C2orf15: variants seen among roughly 807,000 people sequenced by gnomAD.
C2orf15 encodes the protein chromosome 2 open reading frame 15, also known as uncharacterized protein C2orf15.
In C2orf15, 3 loss-of-function variants were observed where a neutral mutation model predicts 4.4. The observed-to-expected ratio is 0.67, with a 90% CI of 0.31 to 1.74. The LOEUF (loss-of-function observed/expected upper bound fraction) is 1.74, where lower values mean the gene tolerates loss of function less well. C2orf15 is among the 40% of genes most tolerant of loss of function. The pLI, the probability that C2orf15 is intolerant of heterozygous loss-of-function variation, is 0.09. For synonymous variants in C2orf15, 37 were observed against 36.8 expected (o/e 1.00, Z -0.02); for missense variants, 90 against 103.3 (o/e 0.87, Z 0.56).
chr2:99,150,539 A>G lies in C2orf15; in HGVS notation c.-20A>G. 1 of 1,605,378 alleles carries G rather than the reference A, an allele frequency of 6.2e-7. No homozygotes were observed. The highest frequency in any genetic ancestry group is 8.5e-7 in the Non-Finnish European group (1 of 1,177,356). ...AAAAAGGTACCTGCAAATTACTTTC[A>G]CATTTGTTCAGCTATCCTAATGGGA... On this transcript the variant is annotated 5_prime_UTR_variant, in exon 4 of 4. Coordinates refer to ENST00000650052, the MANE Select transcript of C2orf15 (RefSeq NM_144706.4).
chr2:99,147,152 T>G, intron 2 of C2orf15: 5 of 279,216 alleles, frequency 1.8e-5, no homozygotes, highest in African/African-American at 2.2e-5. Context: ...CTTTGTGGCA[T>G]ATCTTTTTGT....
rs1046120426 is a variant in C2orf15 at position 99,151,652 on chromosome 2, T to A, written c.*818T>A. On this transcript the variant is annotated 3_prime_UTR_variant, in exon 4 of 4. Transcript: ENST00000650052. ...AATAAACTGCAAAAGACCAATAAATTGCATATCTTCAGAAGGATTTCACAT... is the reference window on the plus strand; with the variant it reads ...AATAAACTGCAAAAGACCAATAAATAGCATATCTTCAGAAGGATTTCACAT... Among the ~76,000 whole-genome samples, 6 of 152,308 alleles carry A rather than the reference T, an allele frequency of 3.9e-5. No homozygotes were observed. The highest frequency in any genetic ancestry group is 1.4e-4 in the African/African-American group (6 of 41,574).
At chr2:99,148,113 G>A (rs934196957) in intron 3 of C2orf15, among the ~76,000 whole-genome samples, 3 of 152,070 alleles carry the variant, frequency 2.0e-5, no homozygotes, top group Non-Finnish European at 4.4e-5. Flanking sequence ...CAGCCTCTCT[G>A]TGTCTTTCAT....
At chr2:99,149,442 C>CT (rs35395900) in intron 3 of C2orf15, among the ~76,000 whole-genome samples, 75,750 of 132,808 alleles carry the variant, frequency 0.57, 22,461 homozygotes, top group East Asian at 0.87. Context: ...ACATGATCAT[C>CT]TTTTTTTTTT....
Position 99,150,628 on chromosome 2 carries a change from C to A in C2orf15, c.70C>A (p.His24Asn). The A allele has an allele frequency of 1.2e-6, 2 of 1,613,952 alleles. No homozygotes were observed. The highest frequency in any genetic ancestry group is 2.2e-5 in the South Asian group (2 of 91,058). ...AIHMDSKVDD[H>N]LIRGTEKSRL... ...ACATATGGATTCAAAAGTGGATGAT[C>A]ACTTAATACGAGGGACTGAAAAAAG... The change falls in exon 4 of 4, where the codon CAC (histidine) becomes AAC (asparagine). Residue 24 changes from histidine to asparagine, a missense_variant. His to Asn is a moderately conservative substitution (Grantham distance 68, BLOSUM62 1). Coordinates refer to ENST00000650052, the MANE Select transcript of C2orf15 (RefSeq NM_144706.4).
At chr2:99,143,611 C>CGG (rs2093601241) in intron 2 of C2orf15, among the ~76,000 whole-genome samples, 1 of 152,026 alleles carries the variant, frequency 6.6e-6, no homozygotes, top group Non-Finnish European at 1.5e-5. Flanking sequence ...GCTGGGACCA[C>CGG]AGGTATGTGC....
chr2:99,142,600 CA>C (rs552711704), intron 2 of C2orf15, among the ~76,000 whole-genome samples, 199 bp downstream of exon 2: 7 of 151,310 alleles, frequency 4.6e-5, no homozygotes, highest in Non-Finnish European at 8.8e-5. Context: ...AATTAGATAC[CA>C]AAAAAAATTA....
intron 2 of C2orf15, among the ~76,000 whole-genome samples, chr2:99,145,884 T>C (rs1354169505): frequency 1.3e-5 from 2 of 152,174 alleles, no homozygotes; most frequent in African/African-American, 2.4e-5. Context: ...ACGCCAGTAA[T>C]CCCAGCACTT....
Position 99,150,508 on chromosome 2 carries a change from C to T in C2orf15, c.-51C>T. On this transcript the variant is annotated 5_prime_UTR_variant, in exon 4 of 4. Transcript: ENST00000650052. ...TAATCAAGTTGAAGAAACACTTCCACTACTTAAAAAGGTACCTGCAAATTA... is the reference window on the plus strand; with the variant it reads ...TAATCAAGTTGAAGAAACACTTCCATTACTTAAAAAGGTACCTGCAAATTA... 6.4e-7 allele frequency: 1 copy of T among 1,557,328 alleles called. No individual in the cohort carries two copies.
chr2:99,151,631 A>T lies in C2orf15; in HGVS notation c.*797A>T, dbSNP rs1467667663. 2.0e-5 allele frequency: 3 copies of T among 152,194 alleles called. No homozygotes were observed. The allele number at this position is 152,194 out of a possible 1,614,324, so 9.4% of individuals were successfully genotyped here. ...GTTCTGTAAAAGATCACTGCCAATA[A>T]ACTGCAAAAGACCAATAAATTGCAT... On this transcript the variant is annotated 3_prime_UTR_variant, in exon 4 of 4. Coordinates refer to ENST00000650052, the MANE Select transcript of C2orf15 (RefSeq NM_144706.4).
At position 99,147,301 on chromosome 2, in the gene C2orf15, G is replaced by A. The variant is rs551954559; in HGVS notation, c.-168-101G>A. 9.9e-5 allele frequency: 62 copies of A among 624,342 alleles called. 1 individual carries two copies. The highest frequency in any genetic ancestry group is 6.2e-4 in the South Asian group (26 of 41,688). 38.7% of individuals were successfully genotyped at this position (624,342 alleles called of 1,614,324 possible). ...CAGGCGTGAGCCATTGTGCCCAGCC[G>A]CGTAGCCTATCTTAATATCTAGTAA... On this transcript the variant is annotated intron_variant, in intron 2 of 3. Transcript: ENST00000650052.
intron 3 of C2orf15, chr2:99,148,318 A>C (rs1219427953): frequency 2.0e-5 from 3 of 152,222 alleles, no homozygotes; most frequent in Non-Finnish European, 4.4e-5. Context: ...TCCTTTGATG[A>C]GGAAGAAAAA....
intron 3 of C2orf15, among the ~76,000 whole-genome samples, chr2:99,150,072 G>A (rs1053142508): frequency 5.3e-5 from 8 of 152,272 alleles, no homozygotes; most frequent in Non-Finnish European, 7.4e-5. Context: ...GATTACAGGC[G>A]TGGGCCACCG....
At chr2:99,148,111 C>T (rs2093650637) in intron 3 of C2orf15, among the ~76,000 whole-genome samples, 1 of 152,148 alleles carries the variant, frequency 6.6e-6, no homozygotes, top group African/African-American at 2.4e-5. Flanking sequence ...CTCAGCCTCT[C>T]TGTGTCTTTC....
intron 2 of C2orf15, among the ~76,000 whole-genome samples, chr2:99,145,074 T>C (rs557389968): frequency 2.6e-5 from 4 of 152,330 alleles, no homozygotes; most frequent in Admixed American, 1.3e-4. Context: ...AAAATCAAGA[T>C]GTCAGGCAGG....
At chr2:99,145,055 C>CA (rs1305640651) in intron 2 of C2orf15, among the ~76,000 whole-genome samples, 2 of 152,164 alleles carry the variant, frequency 1.3e-5, no homozygotes, top group Admixed American at 6.5e-5. Flanking sequence ...AATTGGGTCT[C>CA]ACTGGGCTAA....
intron 2 of C2orf15, among the ~76,000 whole-genome samples, chr2:99,145,990 T>C (rs1375076942): frequency 6.6e-6 from 1 of 151,884 alleles, no homozygotes; most frequent in African/African-American, 2.4e-5. Context: ...ATTTTAAAAA[T>C]TAGCCAGATG....
chr2:99,144,649 C>CAAAA (rs70940140), intron 2 of C2orf15, among the ~76,000 whole-genome samples: 33 of 52,262 alleles, frequency 6.3e-4, no homozygotes, highest in South Asian at 2.2e-3. Context: ...AACTCTGTCT[C>CAAAA]AAAAAAAAAA....
chr2:99,146,210 A>G (rs2093630337), intron 2 of C2orf15, among the ~76,000 whole-genome samples: 1 of 152,206 alleles, frequency 6.6e-6, no homozygotes, highest in Non-Finnish European at 1.5e-5. Context: ...GTGAACCCAG[A>G]AAGGCGGAGG....
Sources: gnomAD v4.1 joint callset for allele counts (sites outside exome capture counted in the v4.1 genomes callset) on GRCh38, gnomAD v4.1.1 for gene constraint, MANE v1.5 for transcripts, NCBI Gene and HGNC (gene_info 2026-07-23, HGNC 2026-07-21) for gene names.